The following BRF1 variants were observed in gnomAD, a reference collection of about 807,000 sequenced individuals.
The protein encoded by BRF1 is transcription factor IIIB 90 kDa subunit.
A neutral mutation model predicts 81.7 loss-of-function variants in BRF1; 59 were observed. The observed-to-expected ratio is 0.72, with a 90% CI of 0.59 to 0.90. The LOEUF (loss-of-function observed/expected upper bound fraction) is 0.90, where lower values mean the gene tolerates loss of function less well. Ranked by LOEUF, BRF1 falls within the 40% of genes least tolerant of loss-of-function variation. The pLI, the probability that BRF1 is intolerant of heterozygous loss-of-function variation, is 0.00. For synonymous variants in BRF1, 491 were observed against 395.6 expected (o/e 1.24, Z -2.86); for missense variants, 1,050 against 936.3 (o/e 1.12, Z -1.58).
chr14:105,223,013 A>G (rs1389742011), intron 10 of BRF1, among the ~76,000 whole-genome samples: 1 of 152,116 alleles, frequency 6.6e-6, no homozygotes, highest in Non-Finnish European at 1.5e-5. Flanking sequence ...GCAACACAGC[A>G]AGATCCTGTC....
chr14:105,278,659 A>C (rs1226311585), intron 2 of BRF1, among the ~76,000 whole-genome samples: 1 of 152,048 alleles, frequency 6.6e-6, no homozygotes, highest in Non-Finnish European at 1.5e-5. Context: ...TCATCCCAGC[A>C]CTTTGGGAGG....
chr14:105,252,694 G>A, intron 4 of BRF1, 115 bp from the exon 5 acceptor site: 1 of 1,131,982 alleles, frequency 8.8e-7, no homozygotes, highest in Non-Finnish European at 1.2e-6. Context: ...GGCCCGTGGA[G>A]CAGCCACCCC....
At chr14:105,280,320 G>A (rs979988464) in intron 2 of BRF1, among the ~76,000 whole-genome samples, 7 of 152,256 alleles carry the variant, frequency 4.6e-5, no homozygotes, top group African/African-American at 1.2e-4. Context: ...CCAGCTCTAC[G>A]ACCACATGAC....
At chr14:105,258,132 G>C (rs2055972256) in intron 3 of BRF1, among the ~76,000 whole-genome samples, 1 of 152,180 alleles carries the variant, frequency 6.6e-6, no homozygotes, top group Non-Finnish European at 1.5e-5. Context: ...GGATTGAAGG[G>C]GGTGTATGGG....
Position 105,210,411 on chromosome 14 carries a change from C to T in BRF1, c.*140G>A, listed in dbSNP as rs587676229. On this transcript the variant is annotated 3_prime_UTR_variant, in exon 18 of 18. Coordinates refer to ENST00000547530, the MANE Select transcript of BRF1 (RefSeq NM_001519.4). The surrounding 1 kb of genome is among the most constrained non-coding windows in gnomAD (Gnocchi z 4.7). ...TCCCAATGGTAAGTTCCACATGGGA[C>T]GAGGGCTGTGGGACAGGTGCCACCT... 20 of 859,034 alleles carry T rather than the reference C, an allele frequency of 2.3e-5. No individual in the cohort carries two copies. The highest frequency in any genetic ancestry group is 5.3e-5 in the East Asian group (2 of 37,656). 53.2% of individuals were successfully genotyped at this position (859,034 alleles called of 1,614,324 possible).
chr14:105,272,878 G>A lies in BRF1; in HGVS notation c.282C>T (p.His94=), dbSNP rs767715121. 3.1e-6 allele frequency: 5 copies of A among 1,612,964 alleles called. No homozygotes were observed. In the Admixed American group the frequency reaches 8.3e-5, roughly 27 times the overall value. ...TCAGCTGCAGCTGGTTCCCCAGGTG[G>A]TGGATGTGGCGCCTCCCTAGGACAC... ...QTLQNGRRHI[H]HLGNQLQLNQ... Residue 94 remains histidine, a synonymous_variant, in exon 3 of 18, where the codon CAC becomes CAT. Coordinates refer to ENST00000547530, the MANE Select transcript of BRF1 (RefSeq NM_001519.4).
chr14:105,256,253 C>T (rs951472066), intron 4 of BRF1: 3 of 1,542,662 alleles, frequency 1.9e-6, no homozygotes, highest in African/African-American at 2.7e-5. Flanking sequence ...ACTGTTCACC[C>T]AGGCCTAGCT....
chr14:105,305,361 C>T (rs760011682), upstream of BRF1, among the ~76,000 whole-genome samples: 14 of 152,100 alleles, frequency 9.2e-5, no homozygotes, highest in Non-Finnish European at 1.8e-4. Context: ...GAGATCACAC[C>T]ACTCCACTCC....
At position 105,221,857 on chromosome 14, in the gene BRF1, T is replaced by C. The variant is rs1385842432; in HGVS notation, c.1106A>G (p.Glu369Gly). Residue 369 changes from glutamate to glycine, a missense_variant, in exon 11 of 18, where the codon GAG becomes GGG. Glu to Gly is a moderately conservative substitution (Grantham distance 98). This residue lies in a region of BRF1 where 1,043 missense variants were observed against 915.4 expected (regional missense o/e 1.14). Coordinates refer to ENST00000547530, the MANE Select transcript of BRF1 (RefSeq NM_001519.4). ...LCGEEDTEDEELEAAASHLNK... is the reference protein window; with the variant it reads ...LCGEEDTEDEGLEAAASHLNK... ...CAGGTGGCTGGCCGCGGCTTCCAGCTCCTCGTCCTCTGTGTCCTCCTCGCC... is the reference window on the plus strand; with the variant it reads ...CAGGTGGCTGGCCGCGGCTTCCAGCCCCTCGTCCTCTGTGTCCTCCTCGCC... 2 of 1,604,406 alleles carry C rather than the reference T, an allele frequency of 1.2e-6. No homozygotes were observed. The highest frequency in any genetic ancestry group is 1.7e-6 in the Non-Finnish European group (2 of 1,176,184).
At chr14:105,215,038 C>T (rs899284127) in intron 15 of BRF1, among the ~76,000 whole-genome samples, 10 of 152,194 alleles carry the variant, frequency 6.6e-5, no homozygotes, top group African/African-American at 2.4e-4. Flanking sequence ...GTCCCCAGCC[C>T]TGAGGTCTTC....
At chr14:105,215,637 CACAG>C (rs1891035017) in intron 15 of BRF1, among the ~76,000 whole-genome samples, 1 of 146,182 alleles carries the variant, frequency 6.8e-6, no homozygotes, top group Non-Finnish European at 1.5e-5. Context: ...ACACTGCATA[CACAG>C]ACACAGGCAC....
At chr14:105,211,639 C>T in intron 16 of BRF1, 1 of 367,980 alleles carries the variant, frequency 2.7e-6, no homozygotes, top group Non-Finnish European at 5.0e-6. Context: ...GCTTGGCCTG[C>T]CCTGACCCCC....
intron 15 of BRF1, among the ~76,000 whole-genome samples, chr14:105,215,254 A>G (rs1890913502): frequency 6.6e-6 from 1 of 151,924 alleles, no homozygotes; most frequent in Admixed American, 6.5e-5. Context: ...CACAGTGTAT[A>G]CAGACACATG....
rs587767516 is a variant in BRF1 at position 105,211,472 on chromosome 14, C to T, written c.1825-179G>A. ...CCCTTCTGGCCTCCTGGGGGCTGTG[C>T]CATGAGCTGTGTCAGCATCAAGATC... On this transcript the variant is annotated intron_variant, in intron 16 of 17. Coordinates refer to ENST00000547530, the MANE Select transcript of BRF1 (RefSeq NM_001519.4). 617 of 593,664 alleles carry T rather than the reference C, an allele frequency of 1.0e-3. 1 individual carries two copies. Among genetic ancestry groups the T allele is most frequent in the Non-Finnish European group, 1.6e-3 (540 of 344,050 alleles). The allele number at this position is 593,664 out of a possible 1,614,324, so 36.8% of individuals were successfully genotyped here.
chr14:105,243,285 C>CAAAA (rs3083977), intron 5 of BRF1, among the ~76,000 whole-genome samples: 240 of 127,736 alleles, frequency 1.9e-3, no homozygotes, highest in Middle Eastern at 4.0e-3. Flanking sequence ...TACTAAAATA[C>CAAAA]AAAAAAAAAA....
rs1361342305 is a variant in BRF1, at chr14:105,269,735, C to T, written c.439+2986G>A. 6.6e-6 allele frequency among the ~76,000 whole-genome samples: 1 copy of T among 152,158 alleles called. No individual in the cohort carries two copies. The highest frequency in any genetic ancestry group is 1.5e-5 in the Non-Finnish European group (1 of 68,020). ...TGCCTGTCATCACCCCATGAAGGCC[C>T]ATGTCCCAGGGCATCTGTCCCCCCC... On this transcript the variant is annotated intron_variant, in intron 3 of 17. Coordinates refer to ENST00000547530, the MANE Select transcript of BRF1 (RefSeq NM_001519.4). This position sits in a 1 kb window ranked among gnomAD's most constrained non-coding sequence, Gnocchi z 5.0.
chr14:105,229,639 G>C (rs1362300040), intron 6 of BRF1, among the ~76,000 whole-genome samples: 4 of 151,024 alleles, frequency 2.6e-5, no homozygotes, highest in African/African-American at 7.3e-5. Context: ...CGCCCAGCTG[G>C]GGGCGGGGGA....
At chr14:105,270,242 C>T (rs2056600659) in intron 3 of BRF1, among the ~76,000 whole-genome samples, 1 of 150,556 alleles carries the variant, frequency 6.6e-6, no homozygotes, top group Admixed American at 6.6e-5. Context: ...GGCGCGATCT[C>T]GGCTCACTGC....
In BRF1 at chr14:105,212,482, T is replaced by C. The variant is rs3784232; in HGVS notation, c.1773-318A>G. On this transcript the variant is annotated intron_variant, in intron 15 of 17. Coordinates refer to ENST00000547530, the MANE Select transcript of BRF1 (RefSeq NM_001519.4). ...GGAGCTGCCTGGTGCCCTACCTCACTCAGGGAGGAGGGGAGGGAGGGTGAA... is the reference window on the plus strand; with the variant it reads ...GGAGCTGCCTGGTGCCCTACCTCACCCAGGGAGGAGGGGAGGGAGGGTGAA... 3,121 of 339,632 alleles carry C rather than the reference T, an allele frequency of 9.2e-3. 95 individuals are homozygous for C. Among genetic ancestry groups the C allele is most frequent in the Admixed American group, 0.067 (1,579 of 23,494 alleles). The allele number at this position is 339,632 out of a possible 1,614,324, so 21.0% of individuals were successfully genotyped here. A position where few individuals can be genotyped will look rare whatever the true frequency, so the allele number is the denominator to read the frequency against.
Sources: gnomAD v4.1 joint callset for allele counts (sites outside exome capture counted in the v4.1 genomes callset) on GRCh38, gnomAD v4.1.1 for gene constraint, gnomAD v4.1.1 regional missense constraint, Gnocchi (gnomAD v3.1) non-coding constraint, MANE v1.5 for transcripts, NCBI Gene and HGNC (gene_info 2026-07-23, HGNC 2026-07-21) for gene names.